SLC25A13: variants seen among roughly 807,000 people sequenced by gnomAD.
SLC25A13 encodes the protein solute carrier family 25 member 13, also known as electrogenic aspartate/glutamate antiporter SLC25A13, mitochondrial.
A neutral mutation model predicts 85.5 loss-of-function variants in SLC25A13; 70 were observed. That is an observed-to-expected ratio of 0.82 (90% CI 0.68 to 1.00). The LOEUF (loss-of-function observed/expected upper bound fraction) is 1.00, where lower values mean the gene tolerates loss of function less well. Among genes scored for constraint, SLC25A13 ranks in the 50% least tolerant of loss-of-function variants. SLC25A13 has a pLI of 0.00. For missense variants in SLC25A13, 765 were observed against 819.8 expected (o/e 0.93, Z 0.82); for synonymous variants, 259 against 288.7 (o/e 0.90, Z 1.04).
chr7:96,210,881 T>C (rs1795664669), intron 4 of SLC25A13, among the ~76,000 whole-genome samples: 1 of 151,388 alleles, frequency 6.6e-6, no homozygotes, highest in African/African-American at 2.4e-5. Flanking sequence ...AACTTAAAAA[T>C]TCCTTTCTGC....
At chr7:96,240,920 A>G (rs62472363) in intron 3 of SLC25A13, among the ~76,000 whole-genome samples, 91,575 of 136,536 alleles carry the variant, frequency 0.67, 31,058 homozygotes, top group African/African-American at 0.75. Context: ...GGAAGAGACC[A>G]GAGTTGAGGA....
intron 1 of SLC25A13, among the ~76,000 whole-genome samples, chr7:96,312,372 C>G (rs1055283570): frequency 6.6e-6 from 1 of 152,082 alleles, no homozygotes; most frequent in Non-Finnish European, 1.5e-5. Context: ...CAGTGTCCGG[C>G]TTTTACAAGT....
intron 4 of SLC25A13, among the ~76,000 whole-genome samples, chr7:96,233,031 C>G (rs552819012): frequency 6.6e-6 from 1 of 152,340 alleles, no homozygotes; most frequent in Non-Finnish European, 1.5e-5. Flanking sequence ...AGTGGTAAAG[C>G]TGGTGTCACC....
intron 3 of SLC25A13, among the ~76,000 whole-genome samples, chr7:96,261,225 T>C (rs1562885552): frequency 6.6e-6 from 1 of 152,180 alleles, no homozygotes; most frequent in African/African-American, 2.4e-5. Context: ...AGCACTTTAA[T>C]AAATATAACA....
At chr7:96,292,802 A>G (rs1799178601) in intron 2 of SLC25A13, among the ~76,000 whole-genome samples, 1 of 152,224 alleles carries the variant, frequency 6.6e-6, no homozygotes. Context: ...ATGGAAGAAC[A>G]TTCCATGCTC....
intron 5 of SLC25A13, among the ~76,000 whole-genome samples, chr7:96,196,079 C>T (rs1017967340): frequency 1.8e-4 from 27 of 152,184 alleles, no homozygotes; most frequent in African/African-American, 5.8e-4. Flanking sequence ...GCATTCTCAT[C>T]AGTGAAAAGT....
intron 6 of SLC25A13, among the ~76,000 whole-genome samples, chr7:96,191,684 A>G (rs1395881493): frequency 1.3e-5 from 2 of 152,200 alleles, no homozygotes; most frequent in East Asian, 3.8e-4. Context: ...ATACTATGAA[A>G]AGTAGTCAAT....
intron 2 of SLC25A13, among the ~76,000 whole-genome samples, chr7:96,277,708 G>A (rs1342712286): frequency 6.6e-6 from 1 of 151,964 alleles, no homozygotes; most frequent in Non-Finnish European, 1.5e-5. Flanking sequence ...AGCCCAAAGT[G>A]TGGGCAGTGT....
At chr7:96,280,939 A>G (rs1423502413) in intron 2 of SLC25A13, among the ~76,000 whole-genome samples, 1 of 152,234 alleles carries the variant, frequency 6.6e-6, no homozygotes, top group Non-Finnish European at 1.5e-5. Context: ...TATCACCAAC[A>G]GAAGTGTGCA....
At chr7:96,122,792 A>G (rs779421877) in intron 15 of SLC25A13, among the ~76,000 whole-genome samples, 15 of 152,228 alleles carry the variant, frequency 9.9e-5, no homozygotes, top group Non-Finnish European at 1.8e-4. Flanking sequence ...TGTATCCAAA[A>G]TAGGGCAGTG....
chr7:96,274,846 C>A (rs1364874023), intron 3 of SLC25A13, among the ~76,000 whole-genome samples: 1 of 152,122 alleles, frequency 6.6e-6, no homozygotes, highest in African/African-American at 2.4e-5. Flanking sequence ...TCTGGGGGCT[C>A]TGTTCTGTTC....
intron 14 of SLC25A13, among the ~76,000 whole-genome samples, chr7:96,136,367 C>T (rs1040003628): frequency 1.3e-5 from 2 of 152,114 alleles, no homozygotes; most frequent in Admixed American, 6.5e-5. Flanking sequence ...GTGCTGAAAG[C>T]CCAAGGAAGC....
chr7:96,154,070 C>T (rs1327447361), intron 13 of SLC25A13, among the ~76,000 whole-genome samples: 1 of 151,960 alleles, frequency 6.6e-6, no homozygotes, highest in Non-Finnish European at 1.5e-5. Flanking sequence ...TAACTTTTTC[C>T]TAAGTTAATC....
intron 1 of SLC25A13, among the ~76,000 whole-genome samples, chr7:96,310,531 C>T (rs576838291): frequency 1.3e-5 from 2 of 152,334 alleles, no homozygotes; most frequent in African/African-American, 4.8e-5. Flanking sequence ...TGTAAAGGTA[C>T]TTTTTCCCCT....
intron 1 of SLC25A13, among the ~76,000 whole-genome samples, chr7:96,319,727 T>C (rs1054810009): frequency 6.6e-6 from 1 of 152,132 alleles, no homozygotes; most frequent in Non-Finnish European, 1.5e-5. Flanking sequence ...TTGTCCTGTT[T>C]TTCCCATCTA....
Position 96,269,763 on chromosome 7 carries a change from T to C in SLC25A13, c.212+7433A>G, listed in dbSNP as rs6967402. ...AAGAAAATGTGATACATGCACACAA[T>C]GGAATACTATTAAGCCTTTAAAAAG... On this transcript the variant is annotated intron_variant, in intron 3 of 17. Coordinates refer to ENST00000265631, the MANE Select transcript of SLC25A13 (RefSeq NM_014251.3). Among the ~76,000 whole-genome samples, 348 of 152,316 alleles carry C rather than the reference T, an allele frequency of 2.3e-3. 2 individuals are homozygous for C. Among genetic ancestry groups the C allele is most frequent in the Middle Eastern group, 6.8e-3 (2 of 294 alleles).
chr7:96,169,724 A>G (rs1793920189), intron 13 of SLC25A13: 1 of 347,054 alleles, frequency 2.9e-6, no homozygotes. Flanking sequence ...AGAATGTACT[A>G]AAAATTAACT....
intron 1 of SLC25A13, among the ~76,000 whole-genome samples, chr7:96,320,632 C>T (rs903316979): frequency 1.3e-5 from 2 of 152,116 alleles, no homozygotes; most frequent in East Asian, 1.9e-4. Context: ...GATATACACA[C>T]GCACACCTGT....
intron 4 of SLC25A13, among the ~76,000 whole-genome samples, chr7:96,211,111 T>G (rs1795676395): frequency 6.6e-6 from 1 of 152,178 alleles, no homozygotes; most frequent in African/African-American, 2.4e-5. Flanking sequence ...TAGGTTTAAG[T>G]TTTTCTAAAA....
Sources: allele counts gnomAD v4.1 joint callset (sites outside exome capture counted in the v4.1 genomes callset), GRCh38; gene constraint gnomAD v4.1.1; transcripts MANE v1.5; gene names NCBI Gene and HGNC (gene_info 2026-07-23, HGNC 2026-07-21).